OPRM1: variants seen among roughly 807,000 people sequenced by gnomAD.
OPRM1 encodes the protein opioid receptor mu 1.
In OPRM1, 27 loss-of-function variants were observed where a neutral mutation model predicts 31.8. The observed-to-expected ratio is 0.85, with a 90% CI of 0.63 to 1.17. The LOEUF (loss-of-function observed/expected upper bound fraction) is 1.17, where lower values mean the gene tolerates loss of function less well. Ranked by LOEUF, OPRM1 falls within the 50% of genes most tolerant of loss-of-function variation. The probability of loss-of-function intolerance (pLI) is 0.00; values close to 1 mark genes in which losing one functional copy is unlikely to be tolerated. For missense variants in OPRM1, 536 were observed against 511.1 expected (o/e 1.05, Z -0.47); for synonymous variants, 196 against 189.9 (o/e 1.03, Z -0.26).
downstream of OPRM1, among the ~76,000 whole-genome samples, chr6:154,133,346 T>C (rs1035602089): frequency 2.0e-5 from 3 of 152,204 alleles, no homozygotes; most frequent in African/African-American, 7.2e-5. Flanking sequence ...TCTTATTACC[T>C]AACGATTAAA....
chr6:154,175,748 G>T (rs7755913), intron 3 of OPRM1, among the ~76,000 whole-genome samples: 1 of 152,062 alleles, frequency 6.6e-6, no homozygotes, highest in Non-Finnish European at 1.5e-5. Flanking sequence ...GAGGTACAAA[G>T]AGGAGCTGGT....
At chr6:154,015,477 T>G (rs1424574453) in intron 1 of OPRM1, among the ~76,000 whole-genome samples, 1 of 151,990 alleles carries the variant, frequency 6.6e-6, no homozygotes, top group Non-Finnish European at 1.5e-5. Context: ...AAAAATTAGA[T>G]CAGTCTCTTA....
chr6:154,153,684 CAA>C (rs35352448), intron 3 of OPRM1, among the ~76,000 whole-genome samples: 59 of 89,422 alleles, frequency 6.6e-4, no homozygotes, highest in African/African-American at 8.7e-4. Flanking sequence ...AACTCTATCT[CAA>C]AAAAAAAAAA....
chr6:154,119,704 T>C lies in OPRM1; in HGVS notation c.*983T>C, dbSNP rs1374647909. ...TGTTTTTGTTGATTGCCAGAACAGT[T>C]TAAACTTTTTTTAAACAATAAATCC... On this transcript the variant is annotated 3_prime_UTR_variant, in exon 4 of 4. Coordinates refer to ENST00000330432, the MANE Select transcript of OPRM1 (RefSeq NM_000914.5). Among the ~76,000 whole-genome samples, 1 of 152,172 alleles carries C rather than the reference T, an allele frequency of 6.6e-6. No individual in the cohort carries two copies. Among genetic ancestry groups the C allele is most frequent in the Non-Finnish European group, 1.5e-5 (1 of 68,030 alleles).
At chr6:154,199,637 C>G (rs759986941) in intron 3 of OPRM1, 2 of 1,546,078 alleles carry the variant, frequency 1.3e-6, no homozygotes, top group Non-Finnish European at 1.7e-6. Context: ...TATTCACTCT[C>G]TAACGAAGAA....
intron 1 of OPRM1, among the ~76,000 whole-genome samples, chr6:154,029,214 G>A (rs143382345): frequency 5.9e-5 from 9 of 151,960 alleles, no homozygotes; most frequent in Non-Finnish European, 1.2e-4. Context: ...TTGGATATAC[G>A]TAAGACTGAC....
intron 1 of OPRM1, among the ~76,000 whole-genome samples, chr6:154,056,778 T>C (rs1783396522): frequency 6.6e-6 from 1 of 152,072 alleles, no homozygotes; most frequent in African/African-American, 2.4e-5. Context: ...TTGAAAAACG[T>C]TGCCAGCAGT....
rs1778123597 is a variant in OPRM1 at position 154,018,192 on chromosome 6, A to G, written c.-1+7174A>G. 5.3e-5 allele frequency among the ~76,000 whole-genome samples: 8 copies of G among 152,116 alleles called. No homozygotes were observed. The South Asian group carries it at 1.7e-3, about 32-fold the overall frequency. The stretch of plus-strand genomic sequence containing the variant: ...CCAGCACTTTGGGAGACCGAGGTGG[A>G]TGGATCACTTGAGGTCAGGAGTTTG... On this transcript the variant is annotated intron_variant, in intron 1 of 5. Transcript: ENST00000434900.
intron 1 of OPRM1, among the ~76,000 whole-genome samples, chr6:154,067,676 TTG>T (rs1202474188): frequency 6.6e-6 from 1 of 152,100 alleles, no homozygotes; most frequent in Non-Finnish European, 1.5e-5. Context: ...CCTAGTTGGT[TTG>T]TTGTGTTTTG....
intron 3 of OPRM1, among the ~76,000 whole-genome samples, chr6:154,221,611 C>T (rs1197165390): frequency 3.9e-5 from 6 of 152,168 alleles, no homozygotes; most frequent in Non-Finnish European, 8.8e-5. Flanking sequence ...CGGTGGCTCA[C>T]GCCTGTAATC....
intron 3 of OPRM1, among the ~76,000 whole-genome samples, chr6:154,215,632 A>T (rs1044150634): frequency 1.1e-4 from 17 of 152,072 alleles, no homozygotes; most frequent in South Asian, 2.1e-4. Context: ...AATAAAATTT[A>T]AAAAAATAAA....
At chr6:154,116,525 C>T (rs1039238197) in intron 3 of OPRM1, among the ~76,000 whole-genome samples, 13 of 148,778 alleles carry the variant, frequency 8.7e-5, no homozygotes, top group African/African-American at 3.3e-4. Context: ...GTGGAGGTTG[C>T]AGTCAGGCAA....
At chr6:154,192,060 G>A (rs927729612) in intron 3 of OPRM1, among the ~76,000 whole-genome samples, 12 of 152,006 alleles carry the variant, frequency 7.9e-5, no homozygotes, top group Non-Finnish European at 1.3e-4. Context: ...AATGAATTCC[G>A]GCTGGATAAA....
At chr6:154,235,839 G>A (rs755927298) in intron 3 of OPRM1, among the ~76,000 whole-genome samples, 15 of 152,110 alleles carry the variant, frequency 9.9e-5, no homozygotes, top group South Asian at 2.1e-4. Flanking sequence ...CAAAGCCACC[G>A]TGTGATGGTA....
chr6:154,139,840 G>T (rs1303087595), intron 3 of OPRM1, among the ~76,000 whole-genome samples: 3 of 152,154 alleles, frequency 2.0e-5, no homozygotes, highest in Non-Finnish European at 4.4e-5. Flanking sequence ...CACGGTATAT[G>T]AAATGGAAGA....
chr6:154,214,738 T>G (rs950076861), intron 3 of OPRM1, among the ~76,000 whole-genome samples: 1 of 152,166 alleles, frequency 6.6e-6, no homozygotes. Flanking sequence ...TTTATGTCAA[T>G]CAGTAAAAAA....
At chr6:154,037,052 G>A (rs2128391112), upstream of OPRM1, among the ~76,000 whole-genome samples, 1 of 151,946 alleles carries the variant, frequency 6.6e-6, no homozygotes, top group African/African-American at 2.4e-5. Flanking sequence ...TGGTGGATAA[G>A]AATCATGAAT....
chr6:154,095,067 G>C (rs1440519735), intron 3 of OPRM1, among the ~76,000 whole-genome samples: 1 of 152,182 alleles, frequency 6.6e-6, no homozygotes, highest in Non-Finnish European at 1.5e-5. Context: ...CAAGGCTAGT[G>C]GATCACCTGG....
chr6:154,137,838 G>T (rs974764221), intron 3 of OPRM1, among the ~76,000 whole-genome samples: 2 of 152,202 alleles, frequency 1.3e-5, no homozygotes, highest in East Asian at 1.9e-4. Context: ...GGAAGAAGAA[G>T]AATTTGCATG....
Sources: gnomAD v4.1 joint callset for allele counts (sites outside exome capture counted in the v4.1 genomes callset) on GRCh38, gnomAD v4.1.1 for gene constraint, MANE v1.5 for transcripts, NCBI Gene and HGNC (gene_info 2026-07-23, HGNC 2026-07-21) for gene names.